Variants in CEP295 observed in about 807,000 individuals in gnomAD.
The protein encoded by CEP295 is centrosomal protein 295.
CEP295 carries 190 observed loss-of-function variants against 291.6 expected under a neutral mutation model. The observed-to-expected ratio is 0.65, with a 90% CI of 0.58 to 0.73. The LOEUF (loss-of-function observed/expected upper bound fraction) is 0.73, where lower values mean the gene tolerates loss of function less well. Among genes scored for constraint, CEP295 ranks in the 30% least tolerant of loss-of-function variants. The pLI is 0.00. For synonymous variants in CEP295, 993 were observed against 1,038.8 expected, an observed-to-expected ratio of 0.96 and a Z score of 0.85; for missense variants, 2,863 against 2,949.4, an observed-to-expected ratio of 0.97 and a Z score of 0.68.
At chr11:93,715,251 C>G (rs1953164731) in intron 18 of CEP295, among the ~76,000 whole-genome samples, 1 of 152,126 alleles carries the variant, frequency 6.6e-6, no homozygotes, top group African/African-American at 2.4e-5. Context: ...GGACTCTCTC[C>G]CCTTGTCCAC....
chr11:93,701,504 G>A (rs553677538), intron 15 of CEP295, among the ~76,000 whole-genome samples: 1 of 152,308 alleles, frequency 6.6e-6, no homozygotes, highest in Admixed American at 6.5e-5. Context: ...TCATTTAAAG[G>A]AAAAGTAATG....
intron 15 of CEP295, among the ~76,000 whole-genome samples, chr11:93,701,147 C>T (rs7111796): frequency 0.35 from 52,720 of 151,960 alleles, 9,793 homozygotes; most frequent in South Asian, 0.49. Flanking sequence ...GGTGGATCTC[C>T]TGAGCCCAGG....
intron 10 of CEP295, among the ~76,000 whole-genome samples, chr11:93,690,729 C>CAAAAAAA (rs10608060): frequency 4.4e-5 from 3 of 68,362 alleles, no homozygotes; most frequent in African/African-American, 1.1e-4. Context: ...GACTCCGTCT[C>CAAAAAAA]AAAAAAAAAA....
Position 93,699,047 on chromosome 11 carries a change from C to T in CEP295, c.4135C>T (p.His1379Tyr), listed in dbSNP as rs1454587883. The change falls in exon 15 of 30, where the codon CAT (histidine) becomes TAT (tyrosine). Residue 1379 changes from histidine to tyrosine, a missense_variant. By Grantham distance (83) the His-to-Tyr change is moderately conservative. Around this residue, in one of 3 missense-constraint regions of CEP295, gnomAD observed 2,295 missense variants for 2,335.7 expected, o/e 0.98. Coordinates refer to ENST00000325212, the MANE Select transcript of CEP295 (RefSeq NM_033395.2). ...AGAAGCTCGGGAAGAATTACTTTTA[C>T]ATCAGAGTGAATGGGAGGGAAGAAT... ...RQEAREELLL[H>Y]QSEWEGRISP... 1 of 1,546,252 alleles carries T rather than the reference C, an allele frequency of 6.5e-7. No homozygotes were observed. Among genetic ancestry groups the T allele is most frequent in the Non-Finnish European group, 8.7e-7 (1 of 1,147,072 alleles).
chr11:93,721,327 CTG>C lies in CEP295; in HGVS notation c.5767_5768del (p.Val1923CysfsTer2). 6.4e-7 allele frequency: 1 copy of C among 1,551,810 alleles called. No individual in the cohort carries two copies. Among genetic ancestry groups the C allele is most frequent in the Non-Finnish European group, 8.7e-7 (1 of 1,145,812 alleles). On this transcript the variant is annotated frameshift_variant, in exon 19 of 30. Coordinates refer to ENST00000325212, the MANE Select transcript of CEP295 (RefSeq NM_033395.2). LOFTEE classifies it high-confidence loss of function. ...CATTTTTCAGTTAAGCTGAAGGAAT[CTG>C]TTGTTGAAAATCATGCAGTGTTAAG... is the stretch of plus-strand genomic sequence containing the variant.
rs78486814 is a variant in CEP295, at chr11:93,707,565, C to A, written c.5749+668C>A. On this transcript the variant is annotated intron_variant, in intron 18 of 29. Coordinates refer to ENST00000325212, the MANE Select transcript of CEP295 (RefSeq NM_033395.2). ...GATCATGAGGTCAGAAGATTGAGAC[C>A]ACGGCTAACACCGTGAAACCCTGTC... Among the ~76,000 whole-genome samples, 284 of 151,806 alleles carry A rather than the reference C, an allele frequency of 1.9e-3. 10 individuals are homozygous for A. The East Asian group carries it at 0.052, about 28-fold the overall frequency.
rs1164509189 is a variant in CEP295, at chr11:93,673,575, C to A, written c.529-1996C>A. On this transcript the variant is annotated intron_variant, in intron 5 of 29. Coordinates refer to ENST00000325212, the MANE Select transcript of CEP295 (RefSeq NM_033395.2). ...GTGGTGCAGTCTCGGCTCCCTGCAA[C>A]CTCTGCCTCCTGGGTTCAAGCGATT... Among the ~76,000 whole-genome samples, 4 of 151,718 alleles carry A rather than the reference C, an allele frequency of 2.6e-5. No individual in the cohort carries two copies. The South Asian group carries it at 6.2e-4, about 24-fold the overall frequency.
chr11:93,730,330 T>G lies in CEP295; in HGVS notation c.*61T>G, dbSNP rs183608074. On this transcript the variant is annotated 3_prime_UTR_variant, in exon 30 of 30. Coordinates refer to ENST00000325212, the MANE Select transcript of CEP295 (RefSeq NM_033395.2). The stretch of plus-strand genomic sequence containing the variant: ...TATATGTAGCATTAGACAAAATTAT[T>G]TAAAGTCAATAAATTGTTATTCGAG... The G allele has an allele frequency of 1.0e-3, 1,189 of 1,169,764 alleles. 12 individuals are homozygous for G. The African/African-American group carries it at 0.015, about 15-fold the overall frequency. The allele number at this position is 1,169,764 out of a possible 1,614,324, so 72.5% of individuals were successfully genotyped here.
chr11:93,683,611 C>A lies in CEP295; in HGVS notation c.818C>A (p.Ala273Glu). 6.5e-7 allele frequency: 1 copy of A among 1,543,674 alleles called. No homozygotes were observed. The highest frequency in any genetic ancestry group is 8.7e-7 in the Non-Finnish European group (1 of 1,145,116). ...ELKQLQQEDL[A>E]RRRQTVAQMP... ...AAACAGCTACAGCAAGAGGACCTGG[C>A]ACGTAGGAGACAGACTGTAGCACAA... is the stretch of plus-strand genomic sequence containing the variant. Residue 273 changes from alanine to glutamate, a missense_variant, in exon 8 of 30, where the codon GCA (alanine) becomes GAA (glutamate). Ala to Glu is a moderately radical substitution (Grantham distance 107). Coordinates refer to ENST00000325212, the MANE Select transcript of CEP295 (RefSeq NM_033395.2).
chr11:93,719,045 T>C (rs910172161), intron 18 of CEP295, among the ~76,000 whole-genome samples: 2 of 152,020 alleles, frequency 1.3e-5, no homozygotes, highest in Non-Finnish European at 2.9e-5. Flanking sequence ...GAGGTGGAGT[T>C]TGCAGTGAGC....
intron 25 of CEP295, 122 bp downstream of exon 25, chr11:93,728,943 C>T: frequency 8.0e-6 from 6 of 749,684 alleles, no homozygotes; most frequent in Non-Finnish European, 1.2e-5. Context: ...TAAGCCGACA[C>T]CCCCACCAGC....
intron 15 of CEP295, 44 bp from the exon 16 acceptor site, chr11:93,702,416 A>T (rs1385071924): frequency 7.5e-7 from 1 of 1,327,194 alleles, no homozygotes; most frequent in African/African-American, 1.5e-5. Flanking sequence ...GCTTCACATG[A>T]TCCCCCAACT....
chr11:93,706,351 C>G (rs554571274), intron 17 of CEP295, among the ~76,000 whole-genome samples: 1 of 152,262 alleles, frequency 6.6e-6, no homozygotes, highest in East Asian at 1.9e-4. Flanking sequence ...ATTAGAGAAC[C>G]CAGTAAACAC....
chr11:93,709,705 T>A (rs1952767491), intron 18 of CEP295, among the ~76,000 whole-genome samples: 1 of 152,176 alleles, frequency 6.6e-6, no homozygotes, highest in Admixed American at 6.5e-5. Flanking sequence ...TGATAGGGAT[T>A]GCATTGAATC....
At position 93,725,718 on chromosome 11, in the gene CEP295, C is replaced by T; in HGVS notation, c.6386C>T (p.Ala2129Val). Residue 2129 changes from alanine to valine, a missense_variant, in exon 23 of 30, where the codon GCA becomes GTA. By Grantham distance (64) the Ala-to-Val change is moderately conservative. Around this residue, in one of 3 missense-constraint regions of CEP295, gnomAD observed 2,295 missense variants for 2,335.7 expected, o/e 0.98. Transcript: ENST00000325212. ...TCCAAAAGTACAGTTTATTTCACAG[C>T]ACTGAGGAGGACCAGCATGCATTCT... is the stretch of plus-strand genomic sequence containing the variant. ...GLSKSTVYFT[A>V]LRRTSMHSSL... is the part of the protein sequence containing the mutation. 2 of 1,551,832 alleles carry T rather than the reference C, an allele frequency of 1.3e-6. No individual in the cohort carries two copies. The highest frequency in any genetic ancestry group is 1.7e-6 in the Non-Finnish European group (2 of 1,146,918).
At chr11:93,717,000 T>G (rs1953310771) in intron 18 of CEP295, among the ~76,000 whole-genome samples, 1 of 152,172 alleles carries the variant, frequency 6.6e-6, no homozygotes, top group Admixed American at 6.5e-5. Flanking sequence ...GAAAATTTGT[T>G]TTTCTTCTCC....
chr11:93,687,594 G>A, intron 9 of CEP295, 50 bp from the exon 10 acceptor site: 1 of 980,378 alleles, frequency 1.0e-6, no homozygotes. Context: ...CAATTTGCCT[G>A]GTAATACAAT....
At chr11:93,718,612 C>A (rs1054554998) in intron 18 of CEP295, among the ~76,000 whole-genome samples, 1 of 152,124 alleles carries the variant, frequency 6.6e-6, no homozygotes, top group Non-Finnish European at 1.5e-5. Context: ...CTGAGGGAGT[C>A]TTCTAGGTAT....
chr11:93,684,186 C>G (rs911453548), intron 9 of CEP295, 58 bp downstream of exon 9: 1 of 1,453,336 alleles, frequency 6.9e-7, no homozygotes, highest in Non-Finnish European at 9.3e-7. Flanking sequence ...AAATGCTAAC[C>G]ATTAGCCAGC....
Sources: gnomAD v4.1 joint callset for allele counts (sites outside exome capture counted in the v4.1 genomes callset) on GRCh38, gnomAD v4.1.1 for gene constraint, gnomAD v4.1.1 regional missense constraint, MANE v1.5 for transcripts, NCBI Gene and HGNC (gene_info 2026-07-23, HGNC 2026-07-21) for gene names.